FOXN3: variants seen among roughly 807,000 people sequenced by gnomAD.
The protein encoded by FOXN3 is forkhead box protein N3.
In FOXN3, 7 loss-of-function variants were observed where a neutral mutation model predicts 38.4. The observed-to-expected ratio is 0.18, with a 90% CI of 0.10 to 0.34. FOXN3 has a LOEUF of 0.34. Among genes scored for constraint, FOXN3 ranks in the 10% least tolerant of loss-of-function variants. The pLI, the probability that FOXN3 is intolerant of heterozygous loss-of-function variation, is 1.00. For missense variants in FOXN3, 456 were observed against 613.4 expected, an observed-to-expected ratio of 0.74 and a Z score of 2.71; for synonymous variants, 230 against 242.2, an observed-to-expected ratio of 0.95 and a Z score of 0.47.
intron 1 of FOXN3, among the ~76,000 whole-genome samples, chr14:89,416,144 C>T (rs143609983): frequency 8.1e-4 from 123 of 152,090 alleles, no homozygotes; most frequent in African/African-American, 2.9e-3. Context: ...CGCGCACGCA[C>T]GCGCTTCACT....
intron 3 of FOXN3, among the ~76,000 whole-genome samples, chr14:89,331,373 T>C (rs1388423195): frequency 6.6e-6 from 1 of 152,248 alleles, no homozygotes; most frequent in Non-Finnish European, 1.5e-5. Flanking sequence ...TTGTGGCCTG[T>C]GTCAGAATTT....
intron 1 of FOXN3, among the ~76,000 whole-genome samples, chr14:89,598,197 T>C (rs563323224): frequency 2.8e-4 from 42 of 152,300 alleles, no homozygotes; most frequent in African/African-American, 1.0e-3. Context: ...TTAACTTCTT[T>C]GGATTTATGT....
At chr14:89,394,027 G>C (rs1596248966) in intron 2 of FOXN3, among the ~76,000 whole-genome samples, 1 of 152,006 alleles carries the variant, frequency 6.6e-6, no homozygotes, top group East Asian at 1.9e-4. Context: ...ATTATCCCAT[G>C]GTGGGAAGTG....
At chr14:89,594,882 GT>G (rs1896026844) in intron 1 of FOXN3, among the ~76,000 whole-genome samples, 1 of 151,796 alleles carries the variant, frequency 6.6e-6, no homozygotes, top group African/African-American at 2.4e-5. Flanking sequence ...AAAAAAAAAA[GT>G]ACCTTTTCTA....
intron 1 of FOXN3, among the ~76,000 whole-genome samples, chr14:89,478,930 T>TAAAAAAAAAAA (rs1893267545): frequency 5.5e-4 from 1 of 1,802 alleles, no homozygotes; most frequent in Non-Finnish European, 3.2e-3. Context: ...AGACTCCATC[T>TAAAAAAAAAAA]CAAAAAAAAA....
chr14:89,159,909 C>T lies in FOXN3; in HGVS notation c.*2505G>A, dbSNP rs971568878. 6.6e-6 allele frequency: 1 copy of T among 152,208 alleles called. No individual in the cohort carries two copies. The highest frequency in any genetic ancestry group is 1.9e-4 in the East Asian group (1 of 5,196). The allele number at this position is 152,208 out of a possible 1,614,324, so 9.4% of individuals were successfully genotyped here. The stretch of plus-strand genomic sequence containing the variant: ...AGTATTCAGCTTCAGGTCATGAATT[C>T]GACCTGCTGTAGAGGTGTAGGTTTT... On this transcript the variant is annotated 3_prime_UTR_variant, in exon 6 of 6. Transcript: ENST00000557258.
At chr14:89,246,724 C>T (rs749256184) in intron 4 of FOXN3, among the ~76,000 whole-genome samples, 11 of 151,436 alleles carry the variant, frequency 7.3e-5, no homozygotes, top group Admixed American at 1.3e-4. Context: ...ATTTTTTAGT[C>T]GAGACGGGGT....
intron 1 of FOXN3, among the ~76,000 whole-genome samples, chr14:89,589,731 C>CG (rs1284690163): frequency 9.1e-4 from 6 of 6,582 alleles, no homozygotes; most frequent in African/African-American, 2.9e-3. Flanking sequence ...GAATTGGGGG[C>CG]GGGGGGGCGG....
At chr14:89,615,868 G>A (rs964027259) in intron 1 of FOXN3, among the ~76,000 whole-genome samples, 1 of 152,040 alleles carries the variant, frequency 6.6e-6, no homozygotes, top group Non-Finnish European at 1.5e-5. Flanking sequence ...ATAGAGTTAG[G>A]ACTCTCCTCC....
At chr14:89,507,971 C>A (rs1893981484) in intron 1 of FOXN3, among the ~76,000 whole-genome samples, 1 of 152,188 alleles carries the variant, frequency 6.6e-6, no homozygotes, top group African/African-American at 2.4e-5. Flanking sequence ...CCCAGAGTCC[C>A]TCAGGAGTTA....
intron 1 of FOXN3, among the ~76,000 whole-genome samples, chr14:89,491,267 C>T (rs1893569807): frequency 6.6e-6 from 1 of 152,192 alleles, no homozygotes. Context: ...TGAGCCACTG[C>T]TCCCGGCCAC....
chr14:89,574,610 A>G (rs542333243), intron 1 of FOXN3, among the ~76,000 whole-genome samples: 4 of 152,108 alleles, frequency 2.6e-5, no homozygotes, highest in African/African-American at 9.6e-5. Context: ...TCAAAGGGCC[A>G]CTCCCTCCCA....
intron 4 of FOXN3, among the ~76,000 whole-genome samples, chr14:89,233,152 T>G (rs1884869715): frequency 6.6e-6 from 1 of 152,220 alleles, no homozygotes; most frequent in Admixed American, 6.5e-5. Flanking sequence ...TTAGGAGAGA[T>G]ATTGATTTAA....
chr14:89,315,142 T>G (rs974481903), intron 3 of FOXN3, among the ~76,000 whole-genome samples: 17 of 152,160 alleles, frequency 1.1e-4, no homozygotes, highest in Non-Finnish European at 1.9e-4. Flanking sequence ...GTGTCTTTGA[T>G]GCCCAGGGCC....
At chr14:89,249,973 T>G (rs1364918028) in intron 4 of FOXN3, among the ~76,000 whole-genome samples, 1 of 152,192 alleles carries the variant, frequency 6.6e-6, no homozygotes, top group African/African-American at 2.4e-5. Context: ...ACATGCTACC[T>G]GTGGGTGCCT....
intron 1 of FOXN3, among the ~76,000 whole-genome samples, chr14:89,459,822 C>T (rs559868993): frequency 3.3e-5 from 5 of 152,268 alleles, no homozygotes; most frequent in South Asian, 4.2e-4. Context: ...CAGAATCCCC[C>T]CACCGAGGGC....
At chr14:89,331,951 T>A (rs1381740613) in intron 3 of FOXN3, among the ~76,000 whole-genome samples, 1 of 152,220 alleles carries the variant, frequency 6.6e-6, no homozygotes, top group African/African-American at 2.4e-5. Flanking sequence ...TGTGATTTTT[T>A]TAATGTCTGT....
intron 1 of FOXN3, among the ~76,000 whole-genome samples, chr14:89,539,854 C>T (rs530517598): frequency 1.1e-3 from 160 of 152,250 alleles, no homozygotes; most frequent in African/African-American, 3.7e-3. Flanking sequence ...ATATATTCAA[C>T]TTCAATGTGC....
intron 4 of FOXN3, among the ~76,000 whole-genome samples, chr14:89,248,684 C>T (rs1263753970): frequency 6.6e-6 from 1 of 152,220 alleles, no homozygotes; most frequent in Non-Finnish European, 1.5e-5. Context: ...GGCATGAAAT[C>T]GACTTTACCC....
Sources: gnomAD v4.1 joint callset for allele counts (sites outside exome capture counted in the v4.1 genomes callset) on GRCh38, gnomAD v4.1.1 for gene constraint, MANE v1.5 for transcripts, NCBI Gene and HGNC (gene_info 2026-07-23, HGNC 2026-07-21) for gene names.